KLHL14: variants seen among roughly 807,000 people sequenced by gnomAD.
The protein encoded by KLHL14 is kelch-like protein 14.
Under a neutral mutation model 64.3 loss-of-function variants are expected in KLHL14, and 22 were observed. The observed-to-expected ratio is 0.34, with a 90% CI of 0.24 to 0.49. KLHL14 has a LOEUF of 0.49. Ranked by LOEUF, KLHL14 falls within the 20% of genes least tolerant of loss-of-function variation. KLHL14 has a pLI of 0.99. For synonymous variants in KLHL14, 322 were observed against 333.4 expected (o/e 0.97, Z 0.37); for missense variants, 661 against 789.0 (o/e 0.84, Z 1.94).
At chr18:32,758,122 T>G (rs1049318489) in intron 2 of KLHL14, among the ~76,000 whole-genome samples, 36 of 152,092 alleles carry the variant, frequency 2.4e-4, no homozygotes, top group African/African-American at 4.6e-4. Flanking sequence ...TGTTGTTTTT[T>G]TTTGTTTGTT....
At chr18:32,726,373 C>T (rs1568075462) in intron 3 of KLHL14, among the ~76,000 whole-genome samples, 1 of 152,138 alleles carries the variant, frequency 6.6e-6, no homozygotes, top group Non-Finnish European at 1.5e-5. Context: ...CCTGTAATCC[C>T]AGCACTTTGG....
chr18:32,692,802 C>T (rs55943559), intron 4 of KLHL14, among the ~76,000 whole-genome samples: 2,490 of 152,270 alleles, frequency 0.016, 85 homozygotes, highest in African/African-American at 0.056. Context: ...TCTGGCAAGT[C>T]ATTTAACCTC....
intron 1 of KLHL14, among the ~76,000 whole-genome samples, chr18:32,771,315 C>T (rs1373919684): frequency 6.6e-6 from 1 of 152,152 alleles, no homozygotes; most frequent in African/African-American, 2.4e-5. Flanking sequence ...CGGGAAAGTG[C>T]AGCGGAGCGC....
intron 3 of KLHL14, among the ~76,000 whole-genome samples, chr18:32,717,529 C>G (rs2050052539): frequency 6.6e-6 from 1 of 152,134 alleles, no homozygotes. Flanking sequence ...ATTATTGAAC[C>G]CTATTCTATG....
At chr18:32,726,738 T>C (rs1185938581) in intron 3 of KLHL14, among the ~76,000 whole-genome samples, 1 of 152,220 alleles carries the variant, frequency 6.6e-6, no homozygotes, top group Middle Eastern at 3.2e-3. Flanking sequence ...TTAATGCTTC[T>C]GCATTCTTTC....
At chr18:32,755,762 G>C (rs1415902171) in intron 2 of KLHL14, among the ~76,000 whole-genome samples, 1 of 152,162 alleles carries the variant, frequency 6.6e-6, no homozygotes, top group Admixed American at 6.6e-5. Flanking sequence ...AATCTCTGGG[G>C]TGGAGCTAGG....
chr18:32,759,842 G>C (rs909635938), intron 2 of KLHL14, among the ~76,000 whole-genome samples: 1 of 152,070 alleles, frequency 6.6e-6, no homozygotes, highest in African/African-American at 2.4e-5. Flanking sequence ...CTGTGCTACT[G>C]GGCACACACT....
At chr18:32,692,356 C>CT (rs2049911776) in intron 4 of KLHL14, among the ~76,000 whole-genome samples, 1 of 152,102 alleles carries the variant, frequency 6.6e-6, no homozygotes, top group South Asian at 2.1e-4. Context: ...TAATGTTTAA[C>CT]TTAAGAAGAT....
Position 32,770,010 on chromosome 18 carries a change from CGCGG to C in KLHL14, c.578_581del (p.Ala193GlyfsTer68). ...TCTTGGTCTCCTCCAGGCCGTGCAG[CGCGG>C]CGATCTTGCACACCTGCTTGTAGTT... On this transcript the variant is annotated frameshift_variant, in exon 2 of 9. Coordinates refer to ENST00000359358, the MANE Select transcript of KLHL14 (RefSeq NM_020805.3). LOFTEE classifies it high-confidence loss of function. This position sits in a 1 kb window ranked among gnomAD's most constrained non-coding sequence, Gnocchi z 6.7. The C allele has an allele frequency of 6.2e-7, 1 of 1,614,172 alleles. No homozygotes were observed. The highest frequency in any genetic ancestry group is 8.5e-7 in the Non-Finnish European group (1 of 1,180,034).
chr18:32,709,001 CT>C (rs1254371783), intron 3 of KLHL14, among the ~76,000 whole-genome samples: 8 of 152,186 alleles, frequency 5.3e-5, no homozygotes, highest in Non-Finnish European at 5.9e-5. Context: ...TTCTTGTCCC[CT>C]TTTGGCTTAT....
At chr18:32,729,345 T>C (rs904064464) in intron 3 of KLHL14, among the ~76,000 whole-genome samples, 1 of 151,662 alleles carries the variant, frequency 6.6e-6, no homozygotes. Flanking sequence ...TAAATAAAAA[T>C]AAAATTAGAA....
intron 3 of KLHL14, among the ~76,000 whole-genome samples, chr18:32,717,517 T>C (rs970420608): frequency 6.6e-6 from 1 of 152,150 alleles, no homozygotes; most frequent in Admixed American, 6.5e-5. Flanking sequence ...CAATGAATGA[T>C]TATTATTGAA....
chr18:32,684,472 A>G (rs2049860776), intron 5 of KLHL14, among the ~76,000 whole-genome samples: 2 of 152,090 alleles, frequency 1.3e-5, no homozygotes, highest in South Asian at 4.1e-4. Context: ...TTGCAGCTCC[A>G]TCTCTCCTAT....
At chr18:32,754,593 C>T (rs1221467408) in intron 2 of KLHL14, among the ~76,000 whole-genome samples, 1 of 152,206 alleles carries the variant, frequency 6.6e-6, no homozygotes, top group East Asian at 1.9e-4. Flanking sequence ...GGGACAACAG[C>T]CTCCCGATCC....
intron 3 of KLHL14, among the ~76,000 whole-genome samples, chr18:32,735,632 C>T (rs373494976): frequency 1.1e-3 from 164 of 152,242 alleles, no homozygotes; most frequent in African/African-American, 3.8e-3. Context: ...TAGTAATATT[C>T]CCCATGACTC....
At chr18:32,721,106 A>G (rs1358786531) in intron 3 of KLHL14, among the ~76,000 whole-genome samples, 1 of 152,232 alleles carries the variant, frequency 6.6e-6, no homozygotes, top group East Asian at 1.9e-4. Context: ...TGACTCCCAC[A>G]TGGGCCAGGA....
intron 3 of KLHL14, among the ~76,000 whole-genome samples, chr18:32,703,354 T>C (rs1033495297): frequency 6.6e-6 from 1 of 152,066 alleles, no homozygotes; most frequent in Non-Finnish European, 1.5e-5. Context: ...GTGGAAAAGA[T>C]TGTGATGGAT....
intron 3 of KLHL14, among the ~76,000 whole-genome samples, chr18:32,715,704 A>C (rs2050042148): frequency 6.6e-6 from 1 of 152,146 alleles, no homozygotes; most frequent in Admixed American, 6.5e-5. Context: ...TTTTTTGATT[A>C]AGTAGTTTCA....
chr18:32,760,068 GGGT>G (rs2050305918), intron 2 of KLHL14, among the ~76,000 whole-genome samples: 1 of 151,974 alleles, frequency 6.6e-6, no homozygotes, highest in Non-Finnish European at 1.5e-5. Context: ...TGGTTTTGAG[GGGT>G]GCTCAAAATC....
Sources: allele counts gnomAD v4.1 joint callset (sites outside exome capture counted in the v4.1 genomes callset), GRCh38; gene constraint gnomAD v4.1.1; non-coding constraint Gnocchi (gnomAD v3.1); transcripts MANE v1.5; gene names NCBI Gene and HGNC (gene_info 2026-07-23, HGNC 2026-07-21).